DSCAML1: variants seen among roughly 807,000 people sequenced by gnomAD.
DSCAML1 encodes cell adhesion molecule DSCAML1.
Under a neutral mutation model 200.5 loss-of-function variants are expected in DSCAML1, and 38 were observed. The ratio of observed to expected loss-of-function variants is 0.19; its 90% confidence interval spans 0.15 to 0.25. The LOEUF is 0.25. Among genes scored for constraint, DSCAML1 ranks in the 10% least tolerant of loss-of-function variants. The pLI is 1.00. For synonymous variants in DSCAML1, 1,215 were observed against 1,165.0 expected (o/e 1.04, Z -0.87); for missense variants, 2,223 against 2,858.8 (o/e 0.78, Z 5.07).
At position 117,518,525 on chromosome 11, in the gene DSCAML1, C is replaced by T. The variant is rs534220293; in HGVS notation, c.1451G>A (p.Arg484Gln). Residue 484 changes from arginine to glutamine, a missense_variant, in exon 7 of 33, where the codon CGG becomes CAG. Arg to Gln is a conservative substitution (Grantham distance 43, BLOSUM62 1). This residue lies in a region of DSCAML1 where 579 missense variants were observed against 721.5 expected (regional missense o/e 0.80). Transcript: ENST00000651296. The surrounding 1 kb of genome is among the most constrained non-coding windows in gnomAD (Gnocchi z 6.3). ...GCCCACCAAGTTCCGCGCTGTGCAC[C>T]GGTACACGCCCCCGTCGCGGATCTG... The part of the protein sequence containing the change: ...GPQIRDGGVY[R>Q]CTARNLVGSA... 9.3e-6 allele frequency: 15 copies of T among 1,614,200 alleles called. No homozygotes were observed. The highest frequency in any genetic ancestry group is 3.3e-5 in the South Asian group (3 of 91,080).
intron 3 of DSCAML1, among the ~76,000 whole-genome samples, chr11:117,761,090 C>T (rs575934553): frequency 8.5e-5 from 13 of 152,286 alleles, no homozygotes; most frequent in East Asian, 3.9e-4. Context: ...GATACTCATC[C>T]GATAAAATGA....
At chr11:117,718,118 G>A (rs1247164102) in intron 3 of DSCAML1, among the ~76,000 whole-genome samples, 2 of 152,228 alleles carry the variant, frequency 1.3e-5, no homozygotes, top group African/African-American at 4.8e-5. Flanking sequence ...AGCAGCATCC[G>A]GAACACAGCG....
chr11:117,471,360 C>T (rs1414690396), intron 15 of DSCAML1, among the ~76,000 whole-genome samples: 2 of 152,098 alleles, frequency 1.3e-5, no homozygotes, highest in Non-Finnish European at 2.9e-5. Context: ...TTAGTAGAGA[C>T]AGGGTTTCAC....
intron 2 of DSCAML1, 70 bp from the exon 3 acceptor site, chr11:117,777,007 C>G: frequency 1.3e-6 from 2 of 1,538,832 alleles, no homozygotes; most frequent in South Asian, 2.3e-5. Flanking sequence ...CAGAAAGGAA[C>G]AGGGAGTCAG....
In DSCAML1 at chr11:117,505,382, A is replaced by G; in HGVS notation, c.2062+72T>C. On this transcript the variant is annotated intron_variant, in intron 9 of 32. Transcript: ENST00000651296. This position sits in a 1 kb window ranked among gnomAD's most constrained non-coding sequence, Gnocchi z 6.7. ...CCATGAGCCCGTGATTGGAACTGGA[A>G]ATCTAGAGACTGCAGTAGCAGCAGG... The G allele has an allele frequency of 4.5e-6, 7 of 1,559,102 alleles. No homozygotes were observed. The highest frequency in any genetic ancestry group is 6.1e-6 in the Non-Finnish European group (7 of 1,155,110).
At chr11:117,519,375 G>C (rs1047139254) in intron 6 of DSCAML1, among the ~76,000 whole-genome samples, 2 of 152,172 alleles carry the variant, frequency 1.3e-5, no homozygotes, top group Non-Finnish European at 1.5e-5. Context: ...AGTCTTGGCC[G>C]GGGCTTAAGT....
At chr11:117,527,373 G>A (rs2049995364) in intron 4 of DSCAML1, among the ~76,000 whole-genome samples, 1 of 152,184 alleles carries the variant, frequency 6.6e-6, no homozygotes, top group African/African-American at 2.4e-5. Context: ...AGGGCAGTCA[G>A]CACCTGGAAG....
At chr11:117,506,980 G>C (rs989300697) in intron 8 of DSCAML1, among the ~76,000 whole-genome samples, 1 of 152,132 alleles carries the variant, frequency 6.6e-6, no homozygotes, top group Non-Finnish European at 1.5e-5. Context: ...CCTTCCTCCC[G>C]CTAGAAATGC....
chr11:117,632,446 T>C (rs1030877113), intron 3 of DSCAML1, among the ~76,000 whole-genome samples: 1 of 152,118 alleles, frequency 6.6e-6, no homozygotes, highest in African/African-American at 2.4e-5. Flanking sequence ...CTTGAAGCCT[T>C]CTTGTTTAAA....
At chr11:117,732,289 C>A (rs886412145) in intron 3 of DSCAML1, among the ~76,000 whole-genome samples, 1 of 152,158 alleles carries the variant, frequency 6.6e-6, no homozygotes, top group African/African-American at 2.4e-5. Context: ...GACACAGGCA[C>A]AAAGAGACCA....
intron 3 of DSCAML1, among the ~76,000 whole-genome samples, chr11:117,721,825 T>G (rs2054046863): frequency 6.8e-6 from 1 of 147,930 alleles, no homozygotes; most frequent in African/African-American, 2.5e-5. Context: ...TTTTTTTTTT[T>G]GAGACAGAGT....
intron 3 of DSCAML1, among the ~76,000 whole-genome samples, chr11:117,751,305 C>T (rs1228607376): frequency 6.6e-6 from 1 of 151,652 alleles, no homozygotes; most frequent in East Asian, 1.9e-4. Flanking sequence ...GCTGCATATG[C>T]TCCCTTAAAA....
chr11:117,429,506 G>A (rs543835948), intron 32 of DSCAML1, among the ~76,000 whole-genome samples: 72 of 152,290 alleles, frequency 4.7e-4, no homozygotes, highest in Admixed American at 7.8e-4. Flanking sequence ...CGAGTAGCTG[G>A]GATTACAGGC....
At chr11:117,670,037 C>A (rs1458680130) in intron 3 of DSCAML1, among the ~76,000 whole-genome samples, 1 of 152,234 alleles carries the variant, frequency 6.6e-6, no homozygotes, top group Non-Finnish European at 1.5e-5. Flanking sequence ...TTTCAGCGAC[C>A]TTTGTCTGCC....
intron 8 of DSCAML1, among the ~76,000 whole-genome samples, chr11:117,510,803 A>C (rs187676070): frequency 4.6e-5 from 7 of 152,336 alleles, no homozygotes; most frequent in African/African-American, 1.7e-4. Flanking sequence ...TACCATCGTC[A>C]TGAGCCCTGT....
intron 3 of DSCAML1, among the ~76,000 whole-genome samples, chr11:117,613,757 G>A (rs369214530): frequency 1.3e-5 from 2 of 152,182 alleles, no homozygotes; most frequent in African/African-American, 2.4e-5. Flanking sequence ...CCAGGGGGTC[G>A]GAGACTGAGG....
At chr11:117,439,698 C>T (rs1305235013) in intron 22 of DSCAML1, 121 bp downstream of exon 22, 3 of 977,798 alleles carry the variant, frequency 3.1e-6, no homozygotes, top group Non-Finnish European at 4.7e-6. Context: ...CCTGCAGGGC[C>T]TCTGCAGGCC....
chr11:117,687,426 A>ATTTTAATTTTTTTTTTTT (rs552784985), intron 3 of DSCAML1, among the ~76,000 whole-genome samples: 1 of 97,684 alleles, frequency 1.0e-5, no homozygotes, highest in African/African-American at 4.1e-5. Flanking sequence ...ATGCCTGGCT[A>ATTTTAATTTTTTTTTTTT]TTTTTTTTTT....
intron 3 of DSCAML1, among the ~76,000 whole-genome samples, chr11:117,588,444 G>A (rs537963107): frequency 4.1e-4 from 63 of 152,294 alleles, no homozygotes; most frequent in East Asian, 1.9e-3. Flanking sequence ...GGGATAACAC[G>A]GGTAGCAGCT....
Sources: gnomAD v4.1 joint callset for allele counts (sites outside exome capture counted in the v4.1 genomes callset) on GRCh38, gnomAD v4.1.1 for gene constraint, gnomAD v4.1.1 regional missense constraint, Gnocchi (gnomAD v3.1) non-coding constraint, MANE v1.5 for transcripts, NCBI Gene and HGNC (gene_info 2026-07-23, HGNC 2026-07-21) for gene names.